The following DSE variants were observed in gnomAD, a reference collection of about 807,000 sequenced individuals.
DSE encodes dermatan sulfate epimerase.
A neutral mutation model predicts 84.4 loss-of-function variants in DSE; 36 were observed. The ratio of observed to expected loss-of-function variants is 0.43; its 90% CI spans 0.33 to 0.56. The LOEUF (loss-of-function observed/expected upper bound fraction) is 0.56, where lower values mean the gene tolerates loss of function less well. Ranked by LOEUF, DSE falls within the 20% of genes least tolerant of loss-of-function variation. The pLI is 0.06. For synonymous variants in DSE, 410 were observed against 430.1 expected (o/e 0.95, Z 0.58); for missense variants, 862 against 1,169.6 (o/e 0.74, Z 3.84).
At chr6:116,412,514 C>G (rs183332483) in intron 2 of DSE, 2 of 152,452 alleles carry the variant, frequency 1.3e-5, no homozygotes, top group Admixed American at 1.3e-4. Context: ...ACTGAAGCAG[C>G]CCTCCATGCC....
At chr6:116,386,422 A>G (rs1408285127) in intron 1 of DSE, among the ~76,000 whole-genome samples, 2 of 152,248 alleles carry the variant, frequency 1.3e-5, no homozygotes, top group Non-Finnish European at 2.9e-5. Context: ...AACACAGCCA[A>G]AGGATACAGA....
At chr6:116,320,738 G>T (rs1352734981) in intron 2 of DSE, among the ~76,000 whole-genome samples, 1 of 152,110 alleles carries the variant, frequency 6.6e-6, no homozygotes, top group Non-Finnish European at 1.5e-5. Flanking sequence ...CATCCCTGAT[G>T]TCTCTTTCCT....
At chr6:116,345,667 G>A (rs1777912912) in intron 2 of DSE, among the ~76,000 whole-genome samples, 1 of 152,046 alleles carries the variant, frequency 6.6e-6, no homozygotes, top group African/African-American at 2.4e-5. Context: ...GAGAAAGCAG[G>A]AAAGATCTAA....
intron 2 of DSE, among the ~76,000 whole-genome samples, chr6:116,361,785 A>C (rs1778905403): frequency 6.6e-6 from 1 of 152,222 alleles, no homozygotes; most frequent in African/African-American, 2.4e-5. Flanking sequence ...AAAAATAAAG[A>C]AGCTTATATT....
At chr6:116,333,835 C>T (rs1470068150) in intron 2 of DSE, among the ~76,000 whole-genome samples, 1 of 151,978 alleles carries the variant, frequency 6.6e-6, no homozygotes, top group East Asian at 1.9e-4. Flanking sequence ...TACTTGATGC[C>T]TTTTGCTCCC....
At chr6:116,278,458 C>T (rs1177595874) in intron 2 of DSE, 9 of 1,610,350 alleles carry the variant, frequency 5.6e-6, no homozygotes, top group Non-Finnish European at 7.6e-6. Flanking sequence ...GATGCCCAAG[C>T]ACAGGTCCAG....
intron 2 of DSE, chr6:116,259,358 G>A (rs889253167): frequency 7.4e-6 from 3 of 404,928 alleles, no homozygotes; most frequent in Non-Finnish European, 1.4e-5. Flanking sequence ...CTCGATATAG[G>A]TGTATGGTAC....
At chr6:116,404,526 C>T (rs528425875) in intron 2 of DSE, among the ~76,000 whole-genome samples, 12 of 152,336 alleles carry the variant, frequency 7.9e-5, no homozygotes, top group African/African-American at 2.9e-4. Flanking sequence ...TTGTGTTAGC[C>T]ACATGTCCTT....
intron 1 of DSE, among the ~76,000 whole-genome samples, chr6:116,395,249 C>A (rs938548434): frequency 1.3e-5 from 2 of 152,060 alleles, no homozygotes; most frequent in Non-Finnish European, 2.9e-5. Flanking sequence ...CAGGGTGAAA[C>A]CCCATCTCTA....
intron 1 of DSE, among the ~76,000 whole-genome samples, chr6:116,376,997 C>G (rs890307558): frequency 6.6e-6 from 1 of 152,198 alleles, no homozygotes; most frequent in Non-Finnish European, 1.5e-5. Flanking sequence ...AATAGTTTCT[C>G]TCCTCTCAGT....
At chr6:116,322,002 G>T (rs111910777) in intron 2 of DSE, among the ~76,000 whole-genome samples, 11 of 152,078 alleles carry the variant, frequency 7.2e-5, no homozygotes, top group African/African-American at 2.4e-4. Context: ...TCGGCCGGGG[G>T]CATCAGCAAG....
chr6:116,279,972 G>T, intron 2 of DSE: 1 of 1,222,664 alleles, frequency 8.2e-7, no homozygotes, highest in Non-Finnish European at 1.2e-6. Context: ...AGATCTCACG[G>T]TATCGCGAGA....
chr6:116,388,678 G>A (rs1323224208), intron 1 of DSE, among the ~76,000 whole-genome samples: 2 of 152,168 alleles, frequency 1.3e-5, no homozygotes, highest in African/African-American at 4.8e-5. Context: ...TTATATTTAA[G>A]TTTATAAGTA....
At chr6:116,401,152 A>G (rs183185231) in intron 2 of DSE, 26 of 152,316 alleles carry the variant, frequency 1.7e-4, no homozygotes, top group African/African-American at 4.8e-4. Flanking sequence ...TGAGAATTGT[A>G]CAAGACTAGT....
Position 116,289,798 on chromosome 6 carries a change from G to A in DSE, c.-54+30831G>A, listed in dbSNP as rs1026511500. On this transcript the variant is annotated intron_variant, in intron 2 of 3. Transcript: ENST00000430252. ...TGTCATAACACTTCATCCATTAGCT[G>A]AGAACTCTGCCTTGTGAGTTCTTTG... Among the ~76,000 whole-genome samples the A allele has an allele frequency of 5.3e-5, 8 of 152,030 alleles. No homozygotes were observed. The South Asian group carries it at 1.4e-3, about 28-fold the overall frequency.
intron 2 of DSE, among the ~76,000 whole-genome samples, chr6:116,263,182 T>C (rs1772485481): frequency 1.3e-5 from 2 of 152,194 alleles, no homozygotes; most frequent in Admixed American, 1.3e-4. Flanking sequence ...ATTTTCTGCC[T>C]CAACAATCTA....
intron 2 of DSE, among the ~76,000 whole-genome samples, chr6:116,343,816 G>A (rs535068425): frequency 1.3e-5 from 2 of 152,238 alleles, no homozygotes; most frequent in East Asian, 1.9e-4. Context: ...GGCTTCAGAC[G>A]ATCGGTAATA....
intron 2 of DSE, among the ~76,000 whole-genome samples, chr6:116,333,375 T>G (rs1368799842): frequency 1.3e-5 from 2 of 152,128 alleles, no homozygotes; most frequent in African/African-American, 4.8e-5. Flanking sequence ...TGAGACAATG[T>G]GAGAGAGAGT....
rs1044035313 is a variant in DSE at position 116,331,170 on chromosome 6, T to C, written c.-53-68028T>C. On this transcript the variant is annotated intron_variant, in intron 2 of 3. Coordinates refer to the DSE transcript ENST00000430252. Reference sequence around the variant, plus strand: ...TACAAAACACCAATAATAAACACCATAGAAATACTGAAAACTTTCTTTCTG... The same window carrying C: ...TACAAAACACCAATAATAAACACCACAGAAATACTGAAAACTTTCTTTCTG... 3.3e-5 allele frequency among the ~76,000 whole-genome samples: 5 copies of C among 152,302 alleles called. No homozygotes were observed. In the East Asian group the frequency reaches 7.7e-4, roughly 24 times the overall value.
Sources: allele counts gnomAD v4.1 joint callset (sites outside exome capture counted in the v4.1 genomes callset), GRCh38; gene constraint gnomAD v4.1.1; transcripts MANE v1.5; gene names NCBI Gene and HGNC (gene_info 2026-07-23, HGNC 2026-07-21).